The following SLC37A1 variants were observed in gnomAD, a reference collection of about 807,000 sequenced individuals.
SLC37A1 encodes solute carrier family 37 member 1.
SLC37A1 carries 49 observed loss-of-function variants against 75.3 expected under a neutral mutation model. The observed-to-expected ratio is 0.65, with a 90% CI of 0.52 to 0.83. The LOEUF (loss-of-function observed/expected upper bound fraction) is 0.83. SLC37A1 is among the 40% of genes least tolerant of loss of function. SLC37A1 has a pLI of 0.00. For missense variants in SLC37A1, 566 were observed against 695.0 expected, an observed-to-expected ratio of 0.81 and a Z score of 2.09; for synonymous variants, 268 against 292.1, an observed-to-expected ratio of 0.92 and a Z score of 0.84.
intron 4 of SLC37A1, 97 bp from the exon 5 acceptor site, chr21:42,535,375 C>T (rs369398212): frequency 3.0e-5 from 32 of 1,062,262 alleles, no homozygotes; most frequent in East Asian, 2.4e-4. Context: ...AAGTACACCC[C>T]GATTTCGGGA....
chr21:42,564,261 C>T (rs1224591525), intron 13 of SLC37A1, among the ~76,000 whole-genome samples: 2 of 138,548 alleles, frequency 1.4e-5, no homozygotes, highest in Non-Finnish European at 3.1e-5. Flanking sequence ...TGTGGTGGCT[C>T]GAGCCTGTGG....
At position 42,554,033 on chromosome 21, in the gene SLC37A1, C is replaced by A. The variant is rs375563303; in HGVS notation, c.769-29C>A. 4.5e-6 allele frequency: 7 copies of A among 1,569,702 alleles called. No individual in the cohort carries two copies. In the African/African-American group the frequency reaches 8.2e-5, roughly 18 times the overall value. ...TAATTTCTAGCTGTTGAATCAGTATCGCTCTAATGAAACTTTTTTTTTTAC... is the reference window on the plus strand; with the variant it reads ...TAATTTCTAGCTGTTGAATCAGTATAGCTCTAATGAAACTTTTTTTTTTAC... On this transcript the variant is annotated intron_variant, in intron 9 of 19. Coordinates refer to ENST00000352133, the MANE Select transcript of SLC37A1 (RefSeq NM_001320537.2).
chr21:42,574,966 GT>G, intron 18 of SLC37A1, 51 bp downstream of exon 18: 1 of 1,609,560 alleles, frequency 6.2e-7, no homozygotes, highest in South Asian at 1.1e-5. Flanking sequence ...GATCTCTGTG[GT>G]TGTGTCCAAA....
At chr21:42,506,592 T>TA (rs543801020) in intron 2 of SLC37A1, among the ~76,000 whole-genome samples, 12 of 152,162 alleles carry the variant, frequency 7.9e-5, no homozygotes, top group African/African-American at 2.7e-4. Flanking sequence ...TAAAACCGGT[T>TA]AAAAAATCTC....
chr21:42,526,869 G>C lies in SLC37A1; in HGVS notation c.138+1012G>C, dbSNP rs1038932777. 4.6e-5 allele frequency among the ~76,000 whole-genome samples: 7 copies of C among 152,096 alleles called. No homozygotes were observed. The East Asian group carries it at 7.7e-4, about 17-fold the overall frequency. Reference sequence around the variant, plus strand: ...AAGAGAGAAGAATATGAAAAGAGGTGGTGGGCCTTAAACACTCATCCGCTT... The same window carrying C: ...AAGAGAGAAGAATATGAAAAGAGGTCGTGGGCCTTAAACACTCATCCGCTT... On this transcript the variant is annotated intron_variant, in intron 3 of 19. Transcript: ENST00000352133.
At position 42,534,754 on chromosome 21, in the gene SLC37A1, C is replaced by T. The variant is rs147578304; in HGVS notation, c.195C>T (p.Ser65=). 136 of 1,614,014 alleles carry T rather than the reference C, an allele frequency of 8.4e-5. 1 individual carries two copies. In the Middle Eastern group the frequency reaches 3.6e-3, roughly 43 times the overall value. The change falls in exon 4 of 20, where the codon AGC becomes AGT. Residue 65 remains serine, a synonymous_variant. Transcript: ENST00000352133. The part of the protein sequence containing the change: ...AWDEADVRFS[S]QNRKSGSAAP... ...ATGAAGCTGACGTCAGGTTCAGCAG[C>T]CAGAACAGGAAGTCTGGGTCCGCTG...
chr21:42,537,492 G>A (rs1028331579), intron 5 of SLC37A1, among the ~76,000 whole-genome samples: 1 of 152,150 alleles, frequency 6.6e-6, no homozygotes, highest in Non-Finnish European at 1.5e-5. Context: ...TCTCAGCTGG[G>A]GGCAGTTTTG....
At chr21:42,575,047 A>G (rs2056276268) in intron 18 of SLC37A1, 132 bp downstream of exon 18, 1 of 1,456,004 alleles carries the variant, frequency 6.9e-7, no homozygotes, top group East Asian at 2.5e-5. Context: ...TCTTTTCTAA[A>G]TATGCGTGGT....
At position 42,559,016 on chromosome 21, in the gene SLC37A1, ACGT is replaced by A; in HGVS notation, c.913_915del (p.Val305del). The A allele has an allele frequency of 1.2e-5, 20 of 1,613,900 alleles. No individual in the cohort carries two copies. Among genetic ancestry groups the A allele is most frequent in the Non-Finnish European group, 1.7e-5 (20 of 1,179,938 alleles). ...GGGAAGGGCTCCATCCACCCGAACCACGTCGTCATTCTCCCCGGGGACGGTGGG... is the reference window on the plus strand; with the variant it reads ...GGGAAGGGCTCCATCCACCCGAACCACGTCATTCTCCCCGGGGACGGTGGG... On this transcript the variant is annotated inframe_deletion, in exon 11 of 20. Coordinates refer to ENST00000352133, the MANE Select transcript of SLC37A1 (RefSeq NM_001320537.2).
At chr21:42,546,983 T>C in intron 8 of SLC37A1, 120 bp from the exon 9 acceptor site, 2 of 1,163,550 alleles carry the variant, frequency 1.7e-6, no homozygotes, top group South Asian at 2.6e-5. Flanking sequence ...ATGTGAATCC[T>C]GCATACAGTC....
chr21:42,563,751 G>A (rs1256620539), intron 12 of SLC37A1, 64 bp from the exon 13 acceptor site: 1 of 1,501,954 alleles, frequency 6.7e-7, no homozygotes, highest in African/African-American at 1.4e-5. Context: ...GTTCTGCCAT[G>A]GTGTGTCGCT....
rs1268690610 is a variant in SLC37A1, at chr21:42,548,257, C to T, written c.768+1117C>T. On this transcript the variant is annotated intron_variant, in intron 9 of 19. Coordinates refer to ENST00000352133, the MANE Select transcript of SLC37A1 (RefSeq NM_001320537.2). This position sits in a 1 kb window ranked among gnomAD's most constrained non-coding sequence, Gnocchi z 5.6. ...TCACCATGCTGTCCCCAGAGTGACC[C>T]ACCCCTGAGCTCCGCAATCTGAGGT... is the stretch of plus-strand genomic sequence containing the variant. 2.0e-5 allele frequency among the ~76,000 whole-genome samples: 3 copies of T among 152,158 alleles called. No homozygotes were observed. Among genetic ancestry groups the T allele is most frequent in the Non-Finnish European group, 4.4e-5 (3 of 68,020 alleles).
chr21:42,560,458 A>G (rs1163745196), intron 11 of SLC37A1: 1 of 152,540 alleles, frequency 6.6e-6, no homozygotes, highest in Non-Finnish European at 1.5e-5. Context: ...ACCTAGAGAA[A>G]GGCAGAGGGC....
At position 42,572,683 on chromosome 21, in the gene SLC37A1, A is replaced by C. The variant is rs896447860; in HGVS notation, c.1424-2135A>C. Among the ~76,000 whole-genome samples, 209 of 145,210 alleles carry C rather than the reference A, an allele frequency of 1.4e-3. 5 individuals are homozygous for C. Among genetic ancestry groups the C allele is most frequent in the African/African-American group, 5.3e-3 (204 of 38,166 alleles). On this transcript the variant is annotated intron_variant, in intron 17 of 19. Coordinates refer to ENST00000352133, the MANE Select transcript of SLC37A1 (RefSeq NM_001320537.2). ...GTTTTCAGCCACACACACACAAAAA[A>C]AAAAAAAAGAGTGTGTCCTGAGGTT...
At chr21:42,574,567 CTT>C (rs1009001199) in intron 17 of SLC37A1, among the ~76,000 whole-genome samples, 8 of 152,216 alleles carry the variant, frequency 5.3e-5, no homozygotes, top group Non-Finnish European at 8.8e-5. Flanking sequence ...TGAGCATTTC[CTT>C]TGAGTGTCAG....
chr21:42,558,461 C>T (rs1273878921), intron 10 of SLC37A1, among the ~76,000 whole-genome samples: 1 of 152,208 alleles, frequency 6.6e-6, no homozygotes, highest in African/African-American at 2.4e-5. Flanking sequence ...TAGCTTCTTT[C>T]TTTCTAGAAA....
chr21:42,567,481 C>T (rs894248591), intron 16 of SLC37A1, among the ~76,000 whole-genome samples: 1 of 152,148 alleles, frequency 6.6e-6, no homozygotes, highest in Admixed American at 6.5e-5. Context: ...CCTGAGTGTG[C>T]GTGAGCATGC....
At chr21:42,559,477 G>C (rs1370540581) in intron 11 of SLC37A1, among the ~76,000 whole-genome samples, 1 of 152,248 alleles carries the variant, frequency 6.6e-6, no homozygotes, top group African/African-American at 2.4e-5. Context: ...CCCCTCCCCA[G>C]TGCACTTGCC....
In SLC37A1 at chr21:42,513,942, G is replaced by T. The variant is rs2054471238; in HGVS notation, c.-954G>T. On this transcript the variant is annotated 5_prime_UTR_variant, in exon 1 of 20. Transcript: ENST00000352133. Reference sequence around the variant, plus strand: ...CGGCGCAGGTGAGGCGCGGGGCCGGGGCCGGACCGGGAGGCGGGGACCCCC... The same window carrying T: ...CGGCGCAGGTGAGGCGCGGGGCCGGTGCCGGACCGGGAGGCGGGGACCCCC... 6.8e-6 allele frequency: 1 copy of T among 146,350 alleles called. No individual in the cohort carries two copies. The highest frequency in any genetic ancestry group is 6.8e-5 in the Admixed American group (1 of 14,766). The allele number at this position is 146,350 out of a possible 1,614,324, so 9.1% of individuals were successfully genotyped here. A position where few individuals can be genotyped will look rare whatever the true frequency, so the allele number is the denominator to read the frequency against.
Sources: allele counts gnomAD v4.1 joint callset (sites outside exome capture counted in the v4.1 genomes callset), GRCh38; gene constraint gnomAD v4.1.1; non-coding constraint Gnocchi (gnomAD v3.1); transcripts MANE v1.5; gene names NCBI Gene and HGNC (gene_info 2026-07-23, HGNC 2026-07-21).